Variants in PCDHGB3 observed in about 807,000 individuals in gnomAD.
PCDHGB3 encodes the protein protocadherin gamma subfamily B, 3, also known as protocadherin gamma-B3.
PCDHGB3 carries 40 observed loss-of-function variants against 59.2 expected under a neutral mutation model. That is an observed-to-expected ratio of 0.68 (90% CI 0.52 to 0.88). The LOEUF is 0.88. Among genes scored for constraint, PCDHGB3 ranks in the 40% least tolerant of loss-of-function variants. PCDHGB3 has a pLI of 0.00. For missense variants in PCDHGB3, 1,309 were observed against 1,187.9 expected (o/e 1.10, Z -1.50); for synonymous variants, 581 against 503.6 (o/e 1.15, Z -2.06).
intron 1 of PCDHGB3, among the ~76,000 whole-genome samples, chr5:141,484,675 T>C (rs1179759392): frequency 6.6e-6 from 1 of 152,042 alleles, no homozygotes; most frequent in African/African-American, 2.4e-5. Context: ...GGGCCGCAGG[T>C]TGCTAGGGCT....
chr5:141,449,688 T>G (rs951233495), intron 1 of PCDHGB3, among the ~76,000 whole-genome samples: 2 of 151,772 alleles, frequency 1.3e-5, no homozygotes, highest in African/African-American at 4.8e-5. Context: ...TATGTTTGTG[T>G]GTATGTACAC....
At chr5:141,439,151 C>T (rs563575567) in intron 1 of PCDHGB3, among the ~76,000 whole-genome samples, 1 of 150,892 alleles carries the variant, frequency 6.6e-6, no homozygotes, top group Admixed American at 6.6e-5. Context: ...TGAGATCACG[C>T]CACTGCACTC....
chr5:141,389,346 T>G (rs779015878), intron 1 of PCDHGB3: 1 of 1,613,984 alleles, frequency 6.2e-7, no homozygotes. Flanking sequence ...AGTCTCTTAC[T>G]GCATCATGGC....
chr5:141,413,578 C>G, intron 1 of PCDHGB3: 1 of 1,613,870 alleles, frequency 6.2e-7, no homozygotes, highest in Non-Finnish European at 8.5e-7. Flanking sequence ...TGACAATGCT[C>G]CAAAATTCCA....
chr5:141,374,291 G>C, intron 1 of PCDHGB3: 1 of 1,613,976 alleles, frequency 6.2e-7, no homozygotes. Context: ...CGTCTCCAGA[G>C]GTAGGATGCA....
intron 1 of PCDHGB3, among the ~76,000 whole-genome samples, chr5:141,460,447 A>G (rs1202218653): frequency 6.6e-6 from 1 of 152,170 alleles, no homozygotes; most frequent in Non-Finnish European, 1.5e-5. Context: ...GTAACAATGA[A>G]GATTCATATT....
In PCDHGB3 at chr5:141,370,708, A is replaced by G; in HGVS notation, c.314A>G (p.Glu105Gly). 3.7e-6 allele frequency: 6 copies of G among 1,613,778 alleles called. No individual in the cohort carries two copies. The highest frequency in any genetic ancestry group is 5.1e-6 in the Non-Finnish European group (6 of 1,179,884). ...ICGKKSTCVL[E>G]FEMVAEKPLN... ...GGCAAGAAGTCGACGTGTGTTCTGG[A>G]ATTTGAAATGGTTGCTGAAAAGCCT... is the stretch of plus-strand genomic sequence containing the variant. Residue 105 changes from glutamate to glycine, a missense_variant, in exon 1 of 4, where the codon GAA (glutamate) becomes GGA (glycine). Physicochemically the swap from Glu to Gly is moderately conservative, Grantham distance 98. Transcript: ENST00000576222.
chr5:141,415,766 TTTTTTTACTTTC>T, intron 1 of PCDHGB3: 1 of 1,295,032 alleles, frequency 7.7e-7, no homozygotes, highest in Admixed American at 3.5e-5. Flanking sequence ...TTTTTTTTTT[TTTTTTTACTTTC>T]TGGTAAAATT....
intron 1 of PCDHGB3, among the ~76,000 whole-genome samples, chr5:141,430,243 T>C (rs1020416761): frequency 5.6e-5 from 6 of 106,478 alleles, no homozygotes; most frequent in African/African-American, 3.0e-4. Flanking sequence ...GAGAAACTCC[T>C]AGGGAGACAT....
intron 1 of PCDHGB3, chr5:141,384,001 C>G (rs1561599904): frequency 6.2e-7 from 1 of 1,613,828 alleles, no homozygotes. Context: ...AGTCATTGCT[C>G]TTTTCTACCT....
Position 141,489,368 on chromosome 5 carries a change from C to T in PCDHGB3, c.2416-5439C>T, listed in dbSNP as rs889945954. The T allele has an allele frequency of 1.2e-5, 20 of 1,613,264 alleles. No homozygotes were observed. The highest frequency in any genetic ancestry group is 1.6e-5 in the Non-Finnish European group (19 of 1,179,484). On this transcript the variant is annotated intron_variant, in intron 1 of 3. Transcript: ENST00000576222. The surrounding 1 kb of genome is among the most constrained non-coding windows in gnomAD (Gnocchi z 4.5). The stretch of plus-strand genomic sequence containing the variant: ...GTGGTGGAGGAGTCTGAGCCGGGGA[C>T]GCTGGTGGGGAATGTTGCTCAGGAT...
intron 1 of PCDHGB3, among the ~76,000 whole-genome samples, chr5:141,447,082 T>A (rs1259827606): frequency 6.6e-6 from 1 of 152,156 alleles, no homozygotes; most frequent in Non-Finnish European, 1.5e-5. Flanking sequence ...ATTTTTGTTG[T>A]TTAATTTTCT....
Position 141,372,396 on chromosome 5 carries a change from T to C in PCDHGB3, c.2002T>C (p.Leu668=), listed in dbSNP as rs1039579304. 1 of 1,614,052 alleles carries C rather than the reference T, an allele frequency of 6.2e-7. No homozygotes were observed. The highest frequency in any genetic ancestry group is 8.5e-7 in the Non-Finnish European group (1 of 1,179,912). Residue 668 remains leucine (L), a synonymous_variant, in exon 1 of 4, where the codon TTG becomes CTG. Transcript: ENST00000576222. ...GCTGCACCTAATCTTCGCAGATAGC[T>C]TGCAAGAGATACAACCTGACCTTAG... The part of the protein sequence containing the change: ...VMLHLIFADS[L]QEIQPDLSDR...
At position 141,486,691 on chromosome 5, in the gene PCDHGB3, T is replaced by C. The variant is rs778748447; in HGVS notation, c.2416-8116T>C. 8 of 1,614,024 alleles carry C rather than the reference T, an allele frequency of 5.0e-6. No individual in the cohort carries two copies. The highest frequency in any genetic ancestry group is 1.3e-5 in the African/African-American group (1 of 74,922). The stretch of plus-strand genomic sequence containing the variant: ...GGAATCGAGATGTATCAGCTTCCTC[T>C]TTCATCTCTCTGAACCCCCAGACAG... On this transcript the variant is annotated intron_variant, in intron 1 of 3. Coordinates refer to ENST00000576222, the MANE Select transcript of PCDHGB3 (RefSeq NM_018924.5). The surrounding 1 kb of genome is among the most constrained non-coding windows in gnomAD (Gnocchi z 5.0).
intron 1 of PCDHGB3, chr5:141,393,085 A>T (rs1350561914): frequency 5.6e-6 from 9 of 1,613,542 alleles, no homozygotes; most frequent in Non-Finnish European, 7.6e-6. Flanking sequence ...GGCAGGATAG[A>T]TCGGGAGGAG....
Position 141,487,291 on chromosome 5 carries a change from C to T in PCDHGB3, c.2416-7516C>T, listed in dbSNP as rs748961925. The stretch of plus-strand genomic sequence containing the variant: ...TGGCAATTTGCTTTGTCTCCTTTGG[C>T]TCATTCGTGGCACTACTCTCTAAGT... On this transcript the variant is annotated intron_variant, in intron 1 of 3. Transcript: ENST00000576222. This position sits in a 1 kb window ranked among gnomAD's most constrained non-coding sequence, Gnocchi z 5.0. The T allele has an allele frequency of 1.9e-5, 30 of 1,614,036 alleles. No homozygotes were observed. Among genetic ancestry groups the T allele is most frequent in the Non-Finnish European group, 2.5e-5 (30 of 1,180,020 alleles).
rs1012028735 is a variant in PCDHGB3 at position 141,413,666 on chromosome 5, C to T, written c.2415+40857C>T. 4 of 1,613,666 alleles carry T rather than the reference C, an allele frequency of 2.5e-6. No individual in the cohort carries two copies. In the African/African-American group the frequency reaches 5.3e-5, roughly 22 times the overall value. On this transcript the variant is annotated intron_variant, in intron 1 of 3. Coordinates refer to ENST00000576222, the MANE Select transcript of PCDHGB3 (RefSeq NM_018924.5). ...TTTCCTCTCCCGGAAGCTATTGATC[C>T]GGATGTGGGCGTGAACTCCCTGCAG... is the stretch of plus-strand genomic sequence containing the variant.
intron 1 of PCDHGB3, chr5:141,423,962 C>A: frequency 1.7e-6 from 2 of 1,168,402 alleles, no homozygotes; most frequent in South Asian, 4.2e-5. Context: ...TATTATTTTT[C>A]TATTATCAGT....
rs2097542578 is a variant in PCDHGB3 at position 141,432,849 on chromosome 5, T to C, written c.2415+60040T>C. On this transcript the variant is annotated intron_variant, in intron 1 of 3. Coordinates refer to ENST00000576222, the MANE Select transcript of PCDHGB3 (RefSeq NM_018924.5). The surrounding 1 kb of genome is among the most constrained non-coding windows in gnomAD (Gnocchi z 6.0). ...CTCACTCTGTACCTGGTGGTAGCGG[T>C]GGCCGCGGTCTCCTGCGTCTTCCTG... 2 of 1,614,076 alleles carry C rather than the reference T, an allele frequency of 1.2e-6. No individual in the cohort carries two copies. Among genetic ancestry groups the C allele is most frequent in the South Asian group, 1.1e-5 (1 of 91,096 alleles).
Sources: allele counts gnomAD v4.1 joint callset (sites outside exome capture counted in the v4.1 genomes callset), GRCh38; gene constraint gnomAD v4.1.1; non-coding constraint Gnocchi (gnomAD v3.1); transcripts MANE v1.5; gene names NCBI Gene and HGNC (gene_info 2026-07-23, HGNC 2026-07-21).